Variants in CLIP1 observed in about 807,000 individuals in gnomAD.
CLIP1 encodes CAP-Gly domain-containing linker protein 1.
A neutral mutation model predicts 161.6 loss-of-function variants in CLIP1; 66 were observed. The observed-to-expected ratio is 0.41, with a 90% CI of 0.33 to 0.50. The LOEUF (loss-of-function observed/expected upper bound fraction) is 0.50. Ranked by LOEUF, CLIP1 falls within the 20% of genes least tolerant of loss-of-function variation. CLIP1 has a pLI of 0.27. For missense variants in CLIP1, 1,376 were observed against 1,702.0 expected (o/e 0.81, Z 3.37); for synonymous variants, 598 against 626.2 (o/e 0.96, Z 0.67).
chr12:122,414,913 C>T (rs1247618034), intron 1 of CLIP1, among the ~76,000 whole-genome samples: 1 of 151,974 alleles, frequency 6.6e-6, no homozygotes, highest in African/African-American at 2.4e-5. Flanking sequence ...AAAAAATTAG[C>T]TGGGCATGGT....
chr12:122,302,313 G>A (rs1045281506), intron 20 of CLIP1, among the ~76,000 whole-genome samples: 3 of 152,088 alleles, frequency 2.0e-5, no homozygotes, highest in Non-Finnish European at 4.4e-5. Flanking sequence ...TGTTGGTGAG[G>A]CTGGTCTTGA....
At chr12:122,301,896 A>C (rs1950694821) in intron 20 of CLIP1, among the ~76,000 whole-genome samples, 1 of 152,118 alleles carries the variant, frequency 6.6e-6, no homozygotes. Context: ...AAGTCCTTTC[A>C]TGTTTGGAAA....
intron 5 of CLIP1, among the ~76,000 whole-genome samples, chr12:122,358,009 GGGGAAAAGATT>G (rs1953568502): frequency 6.6e-6 from 1 of 152,326 alleles, no homozygotes; most frequent in Middle Eastern, 3.4e-3. Flanking sequence ...GGGGAAAGGT[GGGGAAAAGATT>G]GAGAAATCGA....
chr12:122,336,869 A>C lies in CLIP1; in HGVS notation c.2452-121T>G, dbSNP rs138073540. 42 of 449,392 alleles carry C rather than the reference A, an allele frequency of 9.3e-5. 1 individual carries two copies. In the East Asian group the frequency reaches 1.4e-3, roughly 15 times the overall value. 27.8% of individuals were successfully genotyped at this position (449,392 alleles called of 1,614,324 possible). The stretch of plus-strand genomic sequence containing the variant: ...AGAAACATAAAACAAAACTGAAAGG[A>C]ATACAAATTTGGTGTTGGTTTTTAA... On this transcript the variant is annotated intron_variant, in intron 11 of 25. Transcript: ENST00000620786.
At chr12:122,376,688 TC>T (rs1954752225) in intron 3 of CLIP1, among the ~76,000 whole-genome samples, 1 of 151,898 alleles carries the variant, frequency 6.6e-6, no homozygotes, top group South Asian at 2.1e-4. Flanking sequence ...GCCAGGATGG[TC>T]TTGATCTCCT....
At chr12:122,387,571 TATATATATATATATA>T (rs1566209417) in intron 1 of CLIP1, among the ~76,000 whole-genome samples, 5 of 4,172 alleles carry the variant, frequency 1.2e-3, no homozygotes, top group African/African-American at 2.0e-3. Flanking sequence ...TATATATATA[TATATATATATATATA>T]TATATTTTTT....
intron 1 of CLIP1, among the ~76,000 whole-genome samples, chr12:122,405,899 T>C (rs1328949518): frequency 6.6e-6 from 1 of 151,872 alleles, no homozygotes; most frequent in African/African-American, 2.4e-5. Flanking sequence ...TGAAACCCCC[T>C]CTCTACTAAA....
chr12:122,353,774 G>A (rs1953175195), intron 7 of CLIP1, among the ~76,000 whole-genome samples: 1 of 151,956 alleles, frequency 6.6e-6, no homozygotes, highest in Non-Finnish European at 1.5e-5. Flanking sequence ...GGGATTACAG[G>A]CGCCCGCCAA....
chr12:122,403,416 A>G (rs7311062), intron 1 of CLIP1, among the ~76,000 whole-genome samples: 11,752 of 151,818 alleles, frequency 0.077, 1,490 homozygotes, highest in African/African-American at 0.27. Context: ...GAAAAATTTA[A>G]TAAGTATGTC....
chr12:122,288,616 T>TC (rs1387164246), intron 20 of CLIP1, 75 bp from the exon 21 acceptor site: 1 of 1,256,790 alleles, frequency 8.0e-7, no homozygotes. Context: ...CACATGTACA[T>TC]CCCCCAGGCT....
In CLIP1 at chr12:122,355,190, C is replaced by T. The variant is rs150582824; in HGVS notation, c.1128G>A (p.Ala376=). 8.2e-5 allele frequency: 132 copies of T among 1,614,240 alleles called. 1 individual carries two copies. In the African/African-American group the frequency reaches 1.5e-3, roughly 18 times the overall value. Residue 376 remains alanine (A), a synonymous_variant, in exon 6 of 26, where the codon GCG becomes GCA. Transcript: ENST00000620786. The surrounding 1 kb of genome is among the most constrained non-coding windows in gnomAD (Gnocchi z 4.1). ...CGTGGCTCGTGGCCTTGGCCACCTC[C>T]GCCCTCTCCAGATCCCGTTCCGCCA... The part of the protein sequence containing the change: ...QLLAERDLER[A]EVAKATSHVG...
At chr12:122,364,420 TTGAGACAGGGTCTCACTC>T (rs1179107860) in intron 3 of CLIP1, among the ~76,000 whole-genome samples, 1 of 151,690 alleles carries the variant, frequency 6.6e-6, no homozygotes, top group Non-Finnish European at 1.5e-5. Context: ...TTTTTTTTTT[TTGAGACAGGGTCTCACTC>T]TGTCATCCAG....
chr12:122,278,891 C>A lies in CLIP1; in HGVS notation c.3817G>T (p.Val1273Phe), dbSNP rs748818122. The change falls in exon 23 of 26, where the codon GTT becomes TTT. Residue 1273 changes from valine (V) to phenylalanine (F), a missense_variant. This residue lies in a region of CLIP1 where 948 missense variants were observed against 1,134.8 expected (regional missense o/e 0.84). Coordinates refer to ENST00000620786, the MANE Select transcript of CLIP1 (RefSeq NM_001247997.2). The stretch of plus-strand genomic sequence containing the variant: ...ACCTTATCAGACTCTAGAGTCTGAA[C>A]AACTGAATGCAAGGACTTGGCAGAG... ...NASAKSLHSVVQTLESDKVKL... is the reference protein window; with the variant it reads ...NASAKSLHSVFQTLESDKVKL... The A allele has an allele frequency of 6.2e-7, 1 of 1,613,082 alleles. No individual in the cohort carries two copies. The highest frequency in any genetic ancestry group is 1.7e-5 in the Admixed American group (1 of 59,874).
At chr12:122,396,406 C>G (rs1315686838) in intron 1 of CLIP1, among the ~76,000 whole-genome samples, 1 of 152,120 alleles carries the variant, frequency 6.6e-6, no homozygotes, top group Non-Finnish European at 1.5e-5. Context: ...CAAGCCAGCA[C>G]AGAGTAAGAA....
intron 1 of CLIP1, among the ~76,000 whole-genome samples, chr12:122,391,457 G>A: frequency 6.6e-6 from 1 of 151,952 alleles, no homozygotes; most frequent in East Asian, 1.9e-4. Context: ...ATAGTGGCGG[G>A]TGCCTGTAAT....
chr12:122,417,114 T>A (rs566686667), intron 1 of CLIP1, among the ~76,000 whole-genome samples: 1 of 151,508 alleles, frequency 6.6e-6, no homozygotes, highest in African/African-American at 2.4e-5. Context: ...CTGGCCAACA[T>A]GGTGAAACCC....
chr12:122,416,950 C>T (rs568864069), intron 1 of CLIP1, among the ~76,000 whole-genome samples: 153 of 151,370 alleles, frequency 1.0e-3, no homozygotes, highest in African/African-American at 3.4e-3. Context: ...TGGATCACAC[C>T]GGTAATCCCA....
Position 122,274,172 on chromosome 12 carries a change from T to TAA in CLIP1, c.3967-12_3967-11dup. 4.9e-6 allele frequency: 7 copies of TAA among 1,426,874 alleles called. No individual in the cohort carries two copies. Among genetic ancestry groups the TAA allele is most frequent in the African/African-American group, 1.4e-5 (1 of 69,908 alleles). The allele number at this position is 1,426,874 out of a possible 1,614,324, so 88.4% of individuals were successfully genotyped here. On this transcript the variant is annotated splice_polypyrimidine_tract_variant and intron_variant, in intron 24 of 25. Transcript: ENST00000620786. ...AATTTAGGAAATCAATCTGATTTGT[T>TAA]AAAAAAAAAATGTGTAAAATGTCAA...
At chr12:122,348,811 C>G (rs1375162292) in intron 9 of CLIP1, among the ~76,000 whole-genome samples, 6 of 152,134 alleles carry the variant, frequency 3.9e-5, no homozygotes, top group Admixed American at 3.3e-4. Context: ...AAAATGACAA[C>G]AGACTCTAAA....
Sources: gnomAD v4.1 joint callset for allele counts (sites outside exome capture counted in the v4.1 genomes callset) on GRCh38, gnomAD v4.1.1 for gene constraint, gnomAD v4.1.1 regional missense constraint, Gnocchi (gnomAD v3.1) non-coding constraint, MANE v1.5 for transcripts, NCBI Gene and HGNC (gene_info 2026-07-23, HGNC 2026-07-21) for gene names.